STX1A: variants seen among roughly 807,000 people sequenced by gnomAD.
STX1A encodes the protein syntaxin 1A.
In STX1A, 4 loss-of-function variants were observed where a neutral mutation model predicts 37.8. The ratio of observed to expected loss-of-function variants is 0.11; its 90% CI spans 0.05 to 0.24. STX1A has a LOEUF of 0.24. STX1A is among the 10% of genes least tolerant of loss of function. STX1A has a pLI of 1.00. For synonymous variants in STX1A, 135 were observed against 147.4 expected, an observed-to-expected ratio of 0.92 and a Z score of 0.61; for missense variants, 251 against 399.9, an observed-to-expected ratio of 0.63 and a Z score of 3.18.
chr7:73,707,992 G>A (rs1193755726), intron 3 of STX1A, among the ~76,000 whole-genome samples: 3 of 151,318 alleles, frequency 2.0e-5, no homozygotes, highest in Admixed American at 6.6e-5. Context: ...TCGGCTGGGC[G>A]CGGTGGCTCA....
At position 73,706,873 on chromosome 7, in the gene STX1A, G is replaced by A. The variant is rs1798893174; in HGVS notation, c.209-1649C>T. On this transcript the variant is annotated intron_variant, in intron 3 of 9. Transcript: ENST00000222812. The surrounding 1 kb of genome is among the most constrained non-coding windows in gnomAD (Gnocchi z 4.6). ...TCTCAGGCAAGGAGCTCAGCGTGGT[G>A]AGCCCTGGGCGTCCCTCTCTCCCTC... is the stretch of plus-strand genomic sequence containing the variant. 1.3e-5 allele frequency among the ~76,000 whole-genome samples: 2 copies of A among 152,206 alleles called. No homozygotes were observed. Among genetic ancestry groups the A allele is most frequent in the African/African-American group, 2.4e-5 (1 of 41,460 alleles).
At chr7:73,707,439 T>C (rs1441187361) in intron 3 of STX1A, among the ~76,000 whole-genome samples, 21 of 152,096 alleles carry the variant, frequency 1.4e-4, no homozygotes, top group Non-Finnish European at 2.8e-4. Context: ...CTTGGCCAGC[T>C]TGCCCTCCCA....
chr7:73,701,315 G>GGA (rs1798645862), intron 8 of STX1A: 1 of 231,488 alleles, frequency 4.3e-6, no homozygotes, highest in African/African-American at 2.2e-5. Flanking sequence ...CTTGAAGTCA[G>GGA]GTTCGAGACC....
At chr7:73,715,006 T>A (rs1799239286) in intron 1 of STX1A, among the ~76,000 whole-genome samples, 1 of 151,890 alleles carries the variant, frequency 6.6e-6, no homozygotes, top group Non-Finnish European at 1.5e-5. Flanking sequence ...ATGCCTGTAA[T>A]CCCAGCTACT....
intron 1 of STX1A, among the ~76,000 whole-genome samples, chr7:73,718,343 G>A (rs577005677): frequency 2.0e-5 from 3 of 152,290 alleles, no homozygotes; most frequent in East Asian, 1.9e-4. Flanking sequence ...CCCAGGTCCC[G>A]GCTCCAGGAT....
intron 1 of STX1A, 36 bp downstream of exon 1, chr7:73,719,566 G>T (rs1466487425): frequency 8.3e-7 from 1 of 1,206,300 alleles, no homozygotes; most frequent in Non-Finnish European, 1.0e-6. Context: ...CGCTGGCGGC[G>T]GGCGGCGGGC....
chr7:73,702,873 A>G lies in STX1A; in HGVS notation c.650T>C (p.Met217Thr), dbSNP rs139237669. The G allele has an allele frequency of 1.1e-5, 18 of 1,613,824 alleles. No homozygotes were observed. Among genetic ancestry groups the G allele is most frequent in the African/African-American group, 4.0e-5 (3 of 74,934 alleles). The change falls in exon 8 of 10, where the codon ATG becomes ACG. Residue 217 changes from methionine (M) to threonine (T), a missense_variant. By Grantham distance (81) the Met-to-Thr change is moderately conservative (BLOSUM62 -1). Around this residue, in one of 2 missense-constraint regions of STX1A, gnomAD observed 214 missense variants for 367.6 expected, o/e 0.58. Transcript: ENST00000222812. This position sits in a 1 kb window ranked among gnomAD's most constrained non-coding sequence, Gnocchi z 4.7. Reference protein sequence around the residue: ...NSIRELHDMFMDMAMLVESQG... With the variant: ...NSIRELHDMFTDMAMLVESQG... ...GCTCTCCACGAGCATGGCCATGTCCATGAACATGTCGTGTAGCTCACGGAT... is the reference window on the plus strand; with the variant it reads ...GCTCTCCACGAGCATGGCCATGTCCGTGAACATGTCGTGTAGCTCACGGAT...
Position 73,704,370 on chromosome 7 carries a change from G to T in STX1A, c.337C>A (p.Leu113Met). 6.2e-7 allele frequency: 1 copy of T among 1,614,198 alleles called. No individual in the cohort carries two copies. Among genetic ancestry groups the T allele is most frequent in the Non-Finnish European group, 8.5e-7 (1 of 1,180,024 alleles). Residue 113 changes from leucine to methionine, a missense_variant, in exon 5 of 10, where the codon CTG (leucine) becomes ATG (methionine). By Grantham distance (15) the Leu-to-Met change is conservative. Around this residue, in one of 2 missense-constraint regions of STX1A, gnomAD observed 214 missense variants for 367.6 expected, o/e 0.58. Coordinates refer to ENST00000222812, the MANE Select transcript of STX1A (RefSeq NM_004603.4). Reference sequence around the variant, plus strand: ...CGCACCTGTGTCTTCCGGATCCTCAGGTCAGCGGAGGAGCGGTTCAGGCCT... The same window carrying T: ...CGCACCTGTGTCTTCCGGATCCTCATGTCAGCGGAGGAGCGGTTCAGGCCT... ...EEGLNRSSAD[L>M]RIRKTQHSTL... is the part of the protein sequence containing the mutation.
At chr7:73,704,054 C>T in intron 6 of STX1A, 94 bp downstream of exon 6, 1 of 1,395,022 alleles carries the variant, frequency 7.2e-7, no homozygotes, top group East Asian at 2.5e-5. Flanking sequence ...GGGCCCCTAA[C>T]TAAGCAGCAG....
intron 7 of STX1A, chr7:73,703,303 C>G (rs1390608012): frequency 1.3e-5 from 7 of 548,968 alleles, no homozygotes; most frequent in Non-Finnish European, 1.7e-5. Flanking sequence ...TGGACCCAAG[C>G]CTGGAACTGC....
intron 7 of STX1A, 151 bp downstream of exon 7, chr7:73,703,604 G>T: frequency 1.1e-6 from 1 of 918,436 alleles, no homozygotes; most frequent in Non-Finnish European, 1.8e-6. Flanking sequence ...ACCTCAGCCT[G>T]GTGTTTTCCC....
In STX1A at chr7:73,700,126, C is replaced by G. The variant is rs1798591202; in HGVS notation, c.*281G>C. 1 of 517,278 alleles carries G rather than the reference C, an allele frequency of 1.9e-6. No individual in the cohort carries two copies. Among genetic ancestry groups the G allele is most frequent in the African/African-American group, 1.9e-5 (1 of 52,110 alleles). The allele number at this position is 517,278 out of a possible 1,614,324, so 32.0% of individuals were successfully genotyped here. On this transcript the variant is annotated 3_prime_UTR_variant, in exon 10 of 10. Transcript: ENST00000222812. This position sits in a 1 kb window ranked among gnomAD's most constrained non-coding sequence, Gnocchi z 4.4. ...GCAAGGAAGGGTGGCCTGTGTCACC[C>G]TGGCGGCCCTGCCTGGGTCTGCTCC...
At chr7:73,708,023 T>C (rs1771518648) in intron 3 of STX1A, among the ~76,000 whole-genome samples, 1 of 151,144 alleles carries the variant, frequency 6.6e-6, no homozygotes, top group African/African-American at 2.4e-5. Flanking sequence ...CCCAGCACTT[T>C]GGGAGGCTGA....
chr7:73,705,377 C>A lies in STX1A; in HGVS notation c.209-153G>T, dbSNP rs915407793. 1 of 643,914 alleles carries A rather than the reference C, an allele frequency of 1.6e-6. No individual in the cohort carries two copies. Among genetic ancestry groups the A allele is most frequent in the South Asian group, 1.8e-5 (1 of 55,582 alleles). The allele number at this position is 643,914 out of a possible 1,614,324, so 39.9% of individuals were successfully genotyped here. A position where few individuals can be genotyped will look rare whatever the true frequency, so the allele number is the denominator to read the frequency against. On this transcript the variant is annotated intron_variant, in intron 3 of 9. Coordinates refer to ENST00000222812, the MANE Select transcript of STX1A (RefSeq NM_004603.4). The surrounding 1 kb of genome is among the most constrained non-coding windows in gnomAD (Gnocchi z 5.2). ...GGCTAAGGCTCTGCCTGCCCGCCCC[C>A]CTCCCCCAATTCTGGGCCAGGGCTG...
chr7:73,711,252 C>G (rs1799091061), intron 1 of STX1A: 1 of 152,310 alleles, frequency 6.6e-6, no homozygotes, highest in Non-Finnish European at 1.5e-5. Context: ...AGTGATCTTC[C>G]CACCTTGGCT....
At position 73,709,215 on chromosome 7, in the gene STX1A, CT is replaced by C; in HGVS notation, c.31-94del. 1 of 1,257,020 alleles carries C rather than the reference CT, an allele frequency of 8.0e-7. No individual in the cohort carries two copies. Among genetic ancestry groups the C allele is most frequent in the East Asian group, 2.4e-5 (1 of 42,432 alleles). The allele number at this position is 1,257,020 out of a possible 1,614,324, so 77.9% of individuals were successfully genotyped here. A position where few individuals can be genotyped will look rare whatever the true frequency, so the allele number is the denominator to read the frequency against. On this transcript the variant is annotated intron_variant, in intron 1 of 9. Coordinates refer to ENST00000222812, the MANE Select transcript of STX1A (RefSeq NM_004603.4). This position sits in a 1 kb window ranked among gnomAD's most constrained non-coding sequence, Gnocchi z 4.2. ...AGGGTACAGCGCCAGGGCCCTGCCC[CT>C]CCCCCTCTCCCTGGGGGCCTCTGGG...
chr7:73,716,210 G>A (rs1213062297), intron 1 of STX1A, among the ~76,000 whole-genome samples: 3 of 152,214 alleles, frequency 2.0e-5, no homozygotes, highest in African/African-American at 4.8e-5. Context: ...AGGAAGGATC[G>A]GGCGAGCCCT....
At chr7:73,704,561 C>CA in intron 4 of STX1A, 138 bp from the exon 5 acceptor site, 4 of 1,084,346 alleles carry the variant, frequency 3.7e-6, no homozygotes, top group Non-Finnish European at 5.4e-6. Context: ...CAGTGCCAGG[C>CA]ACCGATGGAG....
intron 1 of STX1A, among the ~76,000 whole-genome samples, chr7:73,714,711 G>GT (rs1466127266): frequency 6.6e-6 from 1 of 151,106 alleles, no homozygotes; most frequent in African/African-American, 2.4e-5. Context: ...ACATCCTGGT[G>GT]TTTTTTTGTT....
Sources: gnomAD v4.1 joint callset for allele counts (sites outside exome capture counted in the v4.1 genomes callset) on GRCh38, gnomAD v4.1.1 for gene constraint, gnomAD v4.1.1 regional missense constraint, Gnocchi (gnomAD v3.1) non-coding constraint, MANE v1.5 for transcripts, NCBI Gene and HGNC (gene_info 2026-07-23, HGNC 2026-07-21) for gene names.